Variants in ATOSA observed in about 807,000 individuals in gnomAD.
The protein encoded by ATOSA is atos homolog A.
At chr15:52,630,257 A>G in the ATOSA span, among the ~76,000 whole-genome samples, 1 of 152,218 alleles carries the variant, frequency 6.6e-6, no homozygotes, top group Admixed American at 6.5e-5. Context: ...GTTCAGAGTT[A>G]CTTGTCTTTA....
At chr15:52,617,758 A>G in the ATOSA span, among the ~76,000 whole-genome samples, 1 of 102,366 alleles carries the variant, frequency 9.8e-6, no homozygotes, top group African/African-American at 5.1e-5. Context: ...TTATTTAAAT[A>G]TTTATTTATT....
the ATOSA span, among the ~76,000 whole-genome samples, chr15:52,631,926 G>C: frequency 6.0e-4 from 91 of 152,188 alleles, no homozygotes; most frequent in Non-Finnish European, 1.0e-3. Flanking sequence ...TTTCTGTAGA[G>C]ACAGGAGCCT....
the ATOSA span, among the ~76,000 whole-genome samples, chr15:52,687,633 G>T: frequency 6.6e-6 from 1 of 152,224 alleles, no homozygotes; most frequent in Non-Finnish European, 1.5e-5. Flanking sequence ...GAAACAGCAT[G>T]TCACTGAGGC....
the ATOSA span, among the ~76,000 whole-genome samples, chr15:52,640,749 A>T: frequency 6.6e-6 from 1 of 152,094 alleles, no homozygotes; most frequent in African/African-American, 2.4e-5. Flanking sequence ...AAACTATTTG[A>T]ATGATTTTCA....
the ATOSA span, among the ~76,000 whole-genome samples, chr15:52,667,848 C>A: frequency 6.6e-6 from 1 of 152,128 alleles, no homozygotes; most frequent in East Asian, 1.9e-4. Context: ...CAAATCAAAA[C>A]CACAATGAGA....
At chr15:52,656,129 ATTTTT>A in the ATOSA span, 1 of 151,720 alleles carries the variant, frequency 6.6e-6, no homozygotes, top group Non-Finnish European at 1.5e-5. Context: ...TGTGAAGCTG[ATTTTT>A]TTTTAAGTTT....
the ATOSA span, chr15:52,678,065 T>C: frequency 6.2e-7 from 1 of 1,613,336 alleles, no homozygotes; most frequent in Non-Finnish European, 8.5e-7. Flanking sequence ...AATGCACCTG[T>C]GGGTTCTTTC....
the ATOSA span, among the ~76,000 whole-genome samples, chr15:52,618,173 G>C: frequency 1.3e-5 from 2 of 151,968 alleles, no homozygotes; most frequent in African/African-American, 4.8e-5. Flanking sequence ...TGAGTAGCTG[G>C]GGCTACAGGC....
At chr15:52,694,168 AT>A in the ATOSA span, among the ~76,000 whole-genome samples, 31,191 of 144,182 alleles carry the variant, frequency 0.22, 4,478 homozygotes, top group African/African-American at 0.42. Flanking sequence ...ATATATATAT[AT>A]TTTTTTTTTT....
chr15:52,620,395 C>A, the ATOSA span, among the ~76,000 whole-genome samples: 3 of 152,168 alleles, frequency 2.0e-5, no homozygotes, highest in African/African-American at 7.2e-5. Flanking sequence ...GAGACTCTAA[C>A]CAGGAGCCCA....
chr15:52,585,430 T>C, the ATOSA span: 1 of 153,360 alleles, frequency 6.5e-6, no homozygotes, highest in South Asian at 2.0e-4. Context: ...AAAATTAGCA[T>C]GTTTGATGTC....
the ATOSA span, among the ~76,000 whole-genome samples, chr15:52,707,844 T>C: frequency 1.2e-4 from 19 of 152,166 alleles, no homozygotes; most frequent in African/African-American, 4.3e-4. Flanking sequence ...AATAAAAGTA[T>C]GTTTGTAAGA....
At chr15:52,669,629 T>A in the ATOSA span, among the ~76,000 whole-genome samples, 1 of 152,202 alleles carries the variant, frequency 6.6e-6, no homozygotes, top group African/African-American at 2.4e-5. Flanking sequence ...TTTGGTTAAG[T>A]GGGAAACCAA....
At chr15:52,641,266 C>T in the ATOSA span, among the ~76,000 whole-genome samples, 1 of 152,192 alleles carries the variant, frequency 6.6e-6, no homozygotes. Context: ...TGAATTAACA[C>T]TGGATATTTT....
chr15:52,698,123 C>T, the ATOSA span, among the ~76,000 whole-genome samples: 3 of 151,524 alleles, frequency 2.0e-5, no homozygotes, highest in African/African-American at 2.4e-5. Context: ...ACTACAGGCG[C>T]GTGCCACCAT....
the ATOSA span, chr15:52,652,100 T>C: frequency 3.5e-6 from 5 of 1,416,448 alleles, no homozygotes; most frequent in African/African-American, 2.9e-5. Context: ...TCACAGCTGA[T>C]TGGACAGAGG....
chr15:52,663,189 C>A, the ATOSA span, among the ~76,000 whole-genome samples: 1 of 152,194 alleles, frequency 6.6e-6, no homozygotes, highest in Non-Finnish European at 1.5e-5. Flanking sequence ...TCCTTCCATT[C>A]CCTTCCCTGC....
At chr15:52,633,978 TG>T in the ATOSA span, among the ~76,000 whole-genome samples, 1 of 152,110 alleles carries the variant, frequency 6.6e-6, no homozygotes, top group Non-Finnish European at 1.5e-5. Context: ...ATACACAAAG[TG>T]GCATAATATT....
At chr15:52,700,953 T>G in the ATOSA span, among the ~76,000 whole-genome samples, 1 of 152,338 alleles carries the variant, frequency 6.6e-6, no homozygotes, top group Non-Finnish European at 1.5e-5. Context: ...ATAAAAATAC[T>G]AACAAGCTGT....
Sources: allele counts gnomAD v4.1 joint callset (sites outside exome capture counted in the v4.1 genomes callset), GRCh38; gene constraint gnomAD v4.1.1; transcripts MANE v1.5; gene names NCBI Gene and HGNC (gene_info 2026-07-23, HGNC 2026-07-21).